The following PARVB variants were observed in gnomAD, a reference collection of about 807,000 sequenced individuals.
The protein encoded by PARVB is parvin beta.
In PARVB, 46 loss-of-function variants were observed where a neutral mutation model predicts 47.0. The ratio of observed to expected loss-of-function variants is 0.98; its 90% CI spans 0.77 to 1.25. The LOEUF (loss-of-function observed/expected upper bound fraction) is 1.25. PARVB is among the 50% of genes most tolerant of loss of function. PARVB has a pLI of 0.00. For missense variants in PARVB, 473 were observed against 471.6 expected, an observed-to-expected ratio of 1.00 and a Z score of -0.03; for synonymous variants, 196 against 196.3, an observed-to-expected ratio of 1.00 and a Z score of 0.01.
At chr22:44,165,158 A>C (rs2147188899) in intron 12 of PARVB, among the ~76,000 whole-genome samples, 1 of 152,222 alleles carries the variant, frequency 6.6e-6, no homozygotes, top group Non-Finnish European at 1.5e-5. Context: ...TGCCCGGCTA[A>C]TGTTTTAACT....
At position 44,136,605 on chromosome 22, in the gene PARVB, C is replaced by T. The variant is rs894400565; in HGVS notation, c.692+87C>T. 3.9e-5 allele frequency: 43 copies of T among 1,100,412 alleles called. No homozygotes were observed. The African/African-American group carries it at 4.1e-4, about 11-fold the overall frequency. The allele number at this position is 1,100,412 out of a possible 1,614,324, so 68.2% of individuals were successfully genotyped here. A position where few individuals can be genotyped will look rare whatever the true frequency, so the allele number is the denominator to read the frequency against. On this transcript the variant is annotated intron_variant, in intron 7 of 12. Coordinates refer to ENST00000338758, the MANE Select transcript of PARVB (RefSeq NM_013327.5). ...CTGCCACTTCAGCCAGGGACACCAG[C>T]GCCCATGGGGCTGCTCCCGCTCCAC... is the stretch of plus-strand genomic sequence containing the variant.
At chr22:44,016,099 CTTTTT>C (rs562590606) in intron 2 of PARVB, among the ~76,000 whole-genome samples, 1 of 129,194 alleles carries the variant, frequency 7.7e-6, no homozygotes, top group African/African-American at 3.0e-5. Context: ...TTCTTTCTTT[CTTTTT>C]TTTTTTTTTT....
At chr22:44,159,488 G>C (rs1239298873) in intron 11 of PARVB, among the ~76,000 whole-genome samples, 1 of 152,148 alleles carries the variant, frequency 6.6e-6, no homozygotes, top group Non-Finnish European at 1.5e-5. Flanking sequence ...GAATCGGAGC[G>C]AGGAAGGGAA....
chr22:44,001,163 T>A lies in PARVB; in HGVS notation c.211+1490T>A, dbSNP rs988587793. ...TACTCAGGAGGCTGAGGCAGGAGAA[T>A]GGCGTGAACCCGGGAGGCGGAGCTT... On this transcript the variant is annotated intron_variant, in intron 2 of 13. Transcript: ENST00000406477. 5.3e-5 allele frequency among the ~76,000 whole-genome samples: 8 copies of A among 152,134 alleles called. No individual in the cohort carries two copies. In the East Asian group the frequency reaches 1.5e-3, roughly 29 times the overall value.
At chr22:44,050,722 C>T (rs1019575348) in intron 1 of PARVB, among the ~76,000 whole-genome samples, 2 of 152,188 alleles carry the variant, frequency 1.3e-5, no homozygotes, top group Non-Finnish European at 2.9e-5. Flanking sequence ...GGTCACTTGT[C>T]CCCTGTTAGC....
chr22:44,125,519 A>T lies in PARVB; in HGVS notation c.377-5968A>T, dbSNP rs1386486171. On this transcript the variant is annotated intron_variant, in intron 4 of 12. Transcript: ENST00000338758. The surrounding 1 kb of genome is among the most constrained non-coding windows in gnomAD (Gnocchi z 4.1). ...CCAGGGAAGCTCCTCTGGGGAGGCG[A>T]CATCTGAGCACATGTCTGCACAGTG... 5.3e-5 allele frequency among the ~76,000 whole-genome samples: 8 copies of T among 152,134 alleles called. No homozygotes were observed. Among genetic ancestry groups the T allele is most frequent in the African/African-American group, 1.9e-4 (8 of 41,422 alleles).
Position 44,151,672 on chromosome 22 carries a change from C to A in PARVB, c.843+121C>A. ...TTTTGTTCATCTCACAAGGAACTCC[C>A]GTGGTGCAGGCAGAAATAACCACCG... On this transcript the variant is annotated intron_variant, in intron 10 of 12. Coordinates refer to ENST00000338758, the MANE Select transcript of PARVB (RefSeq NM_013327.5). 4.0e-6 allele frequency: 3 copies of A among 755,262 alleles called. No homozygotes were observed. The South Asian group carries it at 4.4e-5, about 11-fold the overall frequency. The allele number at this position is 755,262 out of a possible 1,614,324, so 46.8% of individuals were successfully genotyped here. A position where few individuals can be genotyped will look rare whatever the true frequency, so the allele number is the denominator to read the frequency against.
chr22:44,148,943 T>C (rs1286495236), intron 9 of PARVB: 2 of 152,150 alleles, frequency 1.3e-5, no homozygotes, highest in Admixed American at 6.5e-5. Flanking sequence ...GTGAGGGATA[T>C]ACTTGGAGCA....
chr22:44,033,264 A>T (rs2050856945), intron 1 of PARVB, among the ~76,000 whole-genome samples: 1 of 151,814 alleles, frequency 6.6e-6, no homozygotes, highest in Non-Finnish European at 1.5e-5. Context: ...CTGATCTCAA[A>T]CTCCTGACCT....
At chr22:44,136,076 G>T (rs1020080041) in intron 6 of PARVB, among the ~76,000 whole-genome samples, 1 of 152,208 alleles carries the variant, frequency 6.6e-6, no homozygotes, top group African/African-American at 2.4e-5. Flanking sequence ...ACACATGATT[G>T]CAGGGGATGT....
At chr22:44,084,641 A>G (rs535064606) in intron 1 of PARVB, among the ~76,000 whole-genome samples, 2 of 152,344 alleles carry the variant, frequency 1.3e-5, no homozygotes, top group African/African-American at 4.8e-5. Context: ...CCATAGTCTC[A>G]GAGTCATGTT....
intron 1 of PARVB, chr22:44,026,459 C>A: frequency 1.9e-6 from 1 of 520,508 alleles, no homozygotes; most frequent in Admixed American, 6.4e-5. Flanking sequence ...GATCTAGGCA[C>A]AGGAATTGAG....
intron 1 of PARVB, among the ~76,000 whole-genome samples, chr22:44,061,549 G>A (rs1348968525): frequency 6.6e-6 from 1 of 152,188 alleles, no homozygotes; most frequent in African/African-American, 2.4e-5. Flanking sequence ...ACTTGTTTAT[G>A]ATGTGAGACC....
Position 44,103,721 on chromosome 22 carries a change from A to T in PARVB, c.273+3598A>T, listed in dbSNP as rs183487789. Reference sequence around the variant, plus strand: ...GGGACATGGGGAGCTTTGACTGCCCATGAACATGGCAGCTTGACCCTGGAG... The same window carrying T: ...GGGACATGGGGAGCTTTGACTGCCCTTGAACATGGCAGCTTGACCCTGGAG... On this transcript the variant is annotated intron_variant, in intron 3 of 12. Coordinates refer to ENST00000338758, the MANE Select transcript of PARVB (RefSeq NM_013327.5). This position sits in a 1 kb window ranked among gnomAD's most constrained non-coding sequence, Gnocchi z 4.6. 2.0e-5 allele frequency: 3 copies of T among 152,390 alleles called. No homozygotes were observed. The highest frequency in any genetic ancestry group is 2.0e-4 in the Admixed American group (3 of 15,302). The allele number at this position is 152,390 out of a possible 1,614,324, so 9.4% of individuals were successfully genotyped here.
intron 1 of PARVB, among the ~76,000 whole-genome samples, chr22:44,027,914 C>CATATAT (rs3083338): frequency 0.094 from 12,506 of 132,806 alleles, 549 homozygotes; most frequent in Middle Eastern, 0.1. Flanking sequence ...AAAAAAAAAC[C>CATATAT]ATATATATAT....
At chr22:44,109,456 A>G (rs2147092732) in intron 3 of PARVB, 1 of 152,358 alleles carries the variant, frequency 6.6e-6, no homozygotes, top group South Asian at 2.1e-4. Context: ...GGGCTGGCAA[A>G]TGAGTGCGTC....
intron 4 of PARVB, chr22:44,119,806 T>A (rs2053000556): frequency 1.9e-6 from 1 of 532,800 alleles, no homozygotes; most frequent in Non-Finnish European, 3.8e-6. Flanking sequence ...TCAGATTGCT[T>A]GTGATGAGGG....
chr22:44,098,236 G>A (rs547747100), intron 2 of PARVB, among the ~76,000 whole-genome samples: 3 of 152,276 alleles, frequency 2.0e-5, no homozygotes, highest in Admixed American at 6.5e-5. Context: ...TCTCATACAC[G>A]TGTGGACTCA....
intron 2 of PARVB, among the ~76,000 whole-genome samples, chr22:44,002,568 G>T (rs1273156289): frequency 6.6e-6 from 1 of 152,296 alleles, no homozygotes; most frequent in African/African-American, 2.4e-5. Context: ...GCTCCGTGGG[G>T]TGGGTAAGAA....
Sources: gnomAD v4.1 joint callset for allele counts (sites outside exome capture counted in the v4.1 genomes callset) on GRCh38, gnomAD v4.1.1 for gene constraint, Gnocchi (gnomAD v3.1) non-coding constraint, MANE v1.5 for transcripts, NCBI Gene and HGNC (gene_info 2026-07-23, HGNC 2026-07-21) for gene names.